Variants in ENTREP2 observed in about 807,000 individuals in gnomAD.
The protein encoded by ENTREP2 is endosomal transmembrane epsin interactor 2, also known as protein ENTREP2.
the ENTREP2 span, among the ~76,000 whole-genome samples, chr15:29,602,957 T>C: frequency 6.6e-6 from 1 of 152,134 alleles, no homozygotes; most frequent in Admixed American, 6.5e-5. Context: ...AGAAAGAACC[T>C]GGCATTTCGT....
the ENTREP2 span, among the ~76,000 whole-genome samples, chr15:29,632,369 T>C: frequency 1.3e-5 from 2 of 152,366 alleles, no homozygotes; most frequent in African/African-American, 2.4e-5. Flanking sequence ...TTTTATGCTG[T>C]CTTTTATTTT....
the ENTREP2 span, among the ~76,000 whole-genome samples, chr15:29,394,466 G>A: frequency 1.3e-5 from 2 of 152,094 alleles, no homozygotes; most frequent in African/African-American, 4.8e-5. Flanking sequence ...AGTTATAAGT[G>A]GCTCAAGAAC....
the ENTREP2 span, among the ~76,000 whole-genome samples, chr15:29,453,900 T>C: frequency 6.6e-6 from 1 of 152,240 alleles, no homozygotes; most frequent in Non-Finnish European, 1.5e-5. Flanking sequence ...TATTAAGATA[T>C]TCAAGCTGCA....
At chr15:29,381,479 A>AAAAAAAAAAC in the ENTREP2 span, among the ~76,000 whole-genome samples, 1 of 146,990 alleles carries the variant, frequency 6.8e-6, no homozygotes, top group African/African-American at 2.6e-5. Flanking sequence ...AAAAAAAAAA[A>AAAAAAAAAAC]AGCCCTTGGT....
chr15:29,174,229 A>C, the ENTREP2 span, among the ~76,000 whole-genome samples: 1 of 152,192 alleles, frequency 6.6e-6, no homozygotes, highest in East Asian at 1.9e-4. Flanking sequence ...TCCCTTGTAC[A>C]TCAAGGTTTC....
At chr15:29,415,696 G>A in the ENTREP2 span, among the ~76,000 whole-genome samples, 1 of 152,200 alleles carries the variant, frequency 6.6e-6, no homozygotes, top group African/African-American at 2.4e-5. Context: ...ATTAGGAAAA[G>A]AGGAAGTCAA....
the ENTREP2 span, among the ~76,000 whole-genome samples, chr15:29,566,830 C>T: frequency 1.5e-5 from 2 of 131,324 alleles, no homozygotes; most frequent in African/African-American, 3.0e-5. Flanking sequence ...AGTGGAGTTG[C>T]TTTTTAAAGG....
the ENTREP2 span, among the ~76,000 whole-genome samples, chr15:29,630,259 CTTTA>C: frequency 1.3e-5 from 2 of 152,196 alleles, no homozygotes; most frequent in East Asian, 3.9e-4. Flanking sequence ...GTTTATAATT[CTTTA>C]TTTTTCAGCC....
the ENTREP2 span, among the ~76,000 whole-genome samples, chr15:29,132,572 G>T: frequency 2.6e-5 from 4 of 152,236 alleles, no homozygotes; most frequent in Admixed American, 6.5e-5. Context: ...TGTTCTCACC[G>T]CAGTTCTGAG....
At chr15:29,564,030 G>A in the ENTREP2 span, among the ~76,000 whole-genome samples, 851 of 152,082 alleles carry the variant, frequency 5.6e-3, 8 homozygotes, top group African/African-American at 0.019. Context: ...CATGAGGCTG[G>A]ATCGTATTCC....
At chr15:29,123,586 C>T in the ENTREP2 span, 10 of 1,551,648 alleles carry the variant, frequency 6.4e-6, no homozygotes, top group Admixed American at 2.0e-5. Context: ...GTCAGTTTTC[C>T]AGGTATCTGG....
the ENTREP2 span, among the ~76,000 whole-genome samples, chr15:29,661,846 C>T: frequency 6.6e-6 from 1 of 152,162 alleles, no homozygotes; most frequent in South Asian, 2.1e-4. Context: ...GTCAGTGACA[C>T]ACACATTAAC....
the ENTREP2 span, among the ~76,000 whole-genome samples, chr15:29,528,992 A>T: frequency 6.6e-6 from 1 of 151,332 alleles, no homozygotes; most frequent in Non-Finnish European, 1.5e-5. Flanking sequence ...GTCCCATGTG[A>T]TTGTACTTGA....
At chr15:29,323,414 C>A in the ENTREP2 span, among the ~76,000 whole-genome samples, 7 of 152,264 alleles carry the variant, frequency 4.6e-5, no homozygotes, top group East Asian at 1.4e-3. Flanking sequence ...AGGGTGGCGT[C>A]CTGAAGTGGG....
chr15:29,649,905 C>T, the ENTREP2 span, among the ~76,000 whole-genome samples: 1 of 152,030 alleles, frequency 6.6e-6, no homozygotes, highest in African/African-American at 2.4e-5. Context: ...AGAGCTTCTA[C>T]CACGGATAAG....
the ENTREP2 span, among the ~76,000 whole-genome samples, chr15:29,546,359 A>G: frequency 6.6e-6 from 1 of 152,214 alleles, no homozygotes; most frequent in Non-Finnish European, 1.5e-5. Context: ...TGCTGGAGCC[A>G]GTATAAAAAT....
the ENTREP2 span, among the ~76,000 whole-genome samples, chr15:29,632,441 C>T: frequency 4.1e-4 from 62 of 152,016 alleles, no homozygotes; most frequent in Admixed American, 5.2e-4. Flanking sequence ...CTTTTATTTT[C>T]AAATACAGAA....
At chr15:29,631,665 AG>A in the ENTREP2 span, among the ~76,000 whole-genome samples, 36 of 152,350 alleles carry the variant, frequency 2.4e-4, no homozygotes, top group African/African-American at 8.7e-4. Context: ...CAGGGCTTAA[AG>A]AATCATTTTC....
chr15:29,381,454 T>TC, the ENTREP2 span, among the ~76,000 whole-genome samples: 1 of 35,854 alleles, frequency 2.8e-5, no homozygotes, highest in Non-Finnish European at 4.2e-5. Context: ...AGACTCTGTC[T>TC]CAAAAAAAAA....
Sources: allele counts gnomAD v4.1 joint callset (sites outside exome capture counted in the v4.1 genomes callset), GRCh38; gene constraint gnomAD v4.1.1; transcripts MANE v1.5; gene names NCBI Gene and HGNC (gene_info 2026-07-23, HGNC 2026-07-21).